The following SMR3B variants were observed in gnomAD, a reference collection of about 807,000 sequenced individuals.
The protein encoded by SMR3B is submaxillary gland androgen regulated protein 3B.
For missense variants in SMR3B, 114 were observed against 99.9 expected, an observed-to-expected ratio of 1.14 and a Z score of -0.60; for synonymous variants, 42 against 36.1, an observed-to-expected ratio of 1.16 and a Z score of -0.59.
At chr4:70,385,645 C>T (rs929107681) in intron 2 of SMR3B, among the ~76,000 whole-genome samples, 5 of 151,770 alleles carry the variant, frequency 3.3e-5, no homozygotes, top group African/African-American at 9.6e-5. Context: ...ACCTCGTGAT[C>T]CGCCAGCCTC....
chr4:70,383,893 T>C (rs1022872897), intron 1 of SMR3B, among the ~76,000 whole-genome samples: 9 of 152,262 alleles, frequency 5.9e-5, no homozygotes, highest in East Asian at 3.9e-4. Flanking sequence ...CTCTGATATA[T>C]GGATTTTTGG....
rs766013455 is a variant in SMR3B at position 70,389,811 on chromosome 4, G to A, written c.203G>A (p.Gly68Asp). The A allele has an allele frequency of 1.2e-6, 2 of 1,613,556 alleles. No individual in the cohort carries two copies. The highest frequency in any genetic ancestry group is 2.7e-5 in the African/African-American group (2 of 74,814). ...CCACCTCCTCCTCCCGCACCCTATG[G>A]TCCAGGGATATTTCCACCACCCCCT... ...RIPPPPPAPY[G>D]PGIFPPPPPQ... The change falls in exon 3 of 3, where the codon GGT becomes GAT. Residue 68 changes from glycine (G) to aspartate (D), a missense_variant. Transcript: ENST00000304915.
chr4:70,385,365 G>A (rs1316236929), intron 2 of SMR3B, among the ~76,000 whole-genome samples: 1 of 146,040 alleles, frequency 6.8e-6, no homozygotes, highest in East Asian at 2.0e-4. Flanking sequence ...TCTGAAACAT[G>A]AAACATAAAA....
Position 70,389,719 on chromosome 4 carries a change from T to C in SMR3B, c.111T>C (p.Pro37=). The C allele has an allele frequency of 3.1e-6, 5 of 1,614,110 alleles. No individual in the cohort carries two copies. Among genetic ancestry groups the C allele is most frequent in the Non-Finnish European group, 4.2e-6 (5 of 1,180,018 alleles). ...RGPYPPGPLA[P]PQPFGPGFVP... is the part of the protein sequence containing the mutation. ...CATATCCACCTGGACCGCTGGCTCC[T>C]CCTCAACCTTTTGGCCCAGGATTTG... The change falls in exon 3 of 3, where the codon CCT becomes CCC. Residue 37 remains proline (P), a synonymous_variant. Coordinates refer to ENST00000304915, the MANE Select transcript of SMR3B (RefSeq NM_006685.4).
chr4:70,390,064 G>A lies in SMR3B; in HGVS notation c.*216G>A. On this transcript the variant is annotated 3_prime_UTR_variant, in exon 3 of 3. Transcript: ENST00000304915. The stretch of plus-strand genomic sequence containing the variant: ...CTACTGCTTCTACTACCCAAAATAT[G>A]AATTCCAACACTGCTTCCAAGAGAC... The A allele has an allele frequency of 1.1e-6, 1 of 927,634 alleles. No homozygotes were observed. The highest frequency in any genetic ancestry group is 2.4e-5 in the East Asian group (1 of 41,366). 57.5% of individuals were successfully genotyped at this position (927,634 alleles called of 1,614,324 possible).
rs757415323 is a variant in SMR3B at position 70,389,834 on chromosome 4, C to G, written c.226C>G (p.Pro76Ala). ...PYGPGIFPPP[P>A]PQP Reference sequence around the variant, plus strand: ...TGGTCCAGGGATATTTCCACCACCCCCTCCTCAACCCTAAGGTCCACCACT... The same window carrying G: ...TGGTCCAGGGATATTTCCACCACCCGCTCCTCAACCCTAAGGTCCACCACT... The change falls in exon 3 of 3, where the codon CCT (proline) becomes GCT (alanine). Residue 76 changes from proline to alanine, a missense_variant. Coordinates refer to ENST00000304915, the MANE Select transcript of SMR3B (RefSeq NM_006685.4). 1.2e-6 allele frequency: 2 copies of G among 1,613,844 alleles called. No homozygotes were observed. The highest frequency in any genetic ancestry group is 1.7e-6 in the Non-Finnish European group (2 of 1,179,894).
At chr4:70,383,470 T>C (rs1560527375) in intron 1 of SMR3B, among the ~76,000 whole-genome samples, 1 of 152,142 alleles carries the variant, frequency 6.6e-6, no homozygotes, top group African/African-American at 2.4e-5. Context: ...AATTGACTTT[T>C]CCTCCTGATG....
intron 1 of SMR3B, 75 bp from the exon 2 acceptor site, chr4:70,384,422 A>T: frequency 2.5e-6 from 4 of 1,595,074 alleles, no homozygotes; most frequent in Non-Finnish European, 3.4e-6. Flanking sequence ...CATTATATCC[A>T]AGTGTTGAGA....
chr4:70,383,971 T>C (rs1431076671), intron 1 of SMR3B, among the ~76,000 whole-genome samples: 2 of 152,026 alleles, frequency 1.3e-5, no homozygotes, highest in Non-Finnish European at 2.9e-5. Context: ...CTAGGAAATA[T>C]ATTATGTGAC....
At chr4:70,387,314 T>C (rs1323843725) in intron 2 of SMR3B, among the ~76,000 whole-genome samples, 1 of 152,116 alleles carries the variant, frequency 6.6e-6, no homozygotes, top group Non-Finnish European at 1.5e-5. Flanking sequence ...TTACAGTAAT[T>C]TGGGTAAAAA....
At chr4:70,389,279 T>G (rs1023042903) in intron 2 of SMR3B, among the ~76,000 whole-genome samples, 1 of 152,134 alleles carries the variant, frequency 6.6e-6, no homozygotes. Context: ...TTTTTAAGCT[T>G]GTATGGTTGT....
chr4:70,385,833 AT>A (rs1393968391), intron 2 of SMR3B, among the ~76,000 whole-genome samples: 1 of 152,160 alleles, frequency 6.6e-6, no homozygotes, highest in East Asian at 1.9e-4. Flanking sequence ...ATATTGATAT[AT>A]TTTAAAGGTA....
At chr4:70,389,162 C>A (rs965452362) in intron 2 of SMR3B, among the ~76,000 whole-genome samples, 1 of 152,164 alleles carries the variant, frequency 6.6e-6, no homozygotes, top group South Asian at 2.1e-4. Context: ...ATCTCAGTTT[C>A]TTTGGCCACA....
At position 70,389,897 on chromosome 4, in the gene SMR3B, C is replaced by T. The variant is rs2233588; in HGVS notation, c.*49C>T. ...CCCAGGTTATCCACAGCCTCCTTCC[C>T]GACCAAGACCCTATCCACCTGGACC... On this transcript the variant is annotated 3_prime_UTR_variant, in exon 3 of 3. Coordinates refer to ENST00000304915, the MANE Select transcript of SMR3B (RefSeq NM_006685.4). 1,279 of 1,609,690 alleles carry T rather than the reference C, an allele frequency of 7.9e-4. 15 individuals are homozygous for T. In the African/African-American group the frequency reaches 0.014, roughly 18 times the overall value.
In SMR3B at chr4:70,389,755, T is replaced by G; in HGVS notation, c.147T>G (p.Pro49=). 6.2e-7 allele frequency: 1 copy of G among 1,613,844 alleles called. No individual in the cohort carries two copies. ...QPFGPGFVPP[P]PPPPYGPGRI... ...TTGGCCCAGGATTTGTTCCACCACC[T>G]CCTCCTCCACCCTATGGTCCAGGGA... Residue 49 remains proline, a synonymous_variant, in exon 3 of 3, where the codon CCT becomes CCG. Transcript: ENST00000304915.
intron 2 of SMR3B, among the ~76,000 whole-genome samples, chr4:70,386,689 T>C (rs1293336997): frequency 1.3e-5 from 2 of 152,212 alleles, no homozygotes; most frequent in Non-Finnish European, 2.9e-5. Context: ...TGATTGGGTA[T>C]ACTTACTATG....
At chr4:70,387,415 T>G (rs952115644) in intron 2 of SMR3B, among the ~76,000 whole-genome samples, 1 of 152,054 alleles carries the variant, frequency 6.6e-6, no homozygotes, top group African/African-American at 2.4e-5. Flanking sequence ...CCAATAGGAT[T>G]GTGGGGGAGA....
chr4:70,387,101 C>CT (rs966419773), intron 2 of SMR3B, among the ~76,000 whole-genome samples: 1 of 152,176 alleles, frequency 6.6e-6, no homozygotes, highest in African/African-American at 2.4e-5. Flanking sequence ...CTAGAATACC[C>CT]TTTCAAAGTT....
intron 2 of SMR3B, among the ~76,000 whole-genome samples, chr4:70,386,490 T>C (rs1328805538): frequency 6.6e-6 from 1 of 151,968 alleles, no homozygotes; most frequent in Non-Finnish European, 1.5e-5. Flanking sequence ...ATTAGTCCCA[T>C]TAAAATACAA....
Sources: gnomAD v4.1 joint callset for allele counts (sites outside exome capture counted in the v4.1 genomes callset) on GRCh38, gnomAD v4.1.1 for gene constraint, MANE v1.5 for transcripts, NCBI Gene and HGNC (gene_info 2026-07-23, HGNC 2026-07-21) for gene names.